Variants in DGKZ observed in about 807,000 individuals in gnomAD.
The protein encoded by DGKZ is DAG kinase zeta.
Under a neutral mutation model 142.5 loss-of-function variants are expected in DGKZ, and 45 were observed. The observed-to-expected ratio is 0.32, with a 90% CI of 0.25 to 0.40. DGKZ has a LOEUF of 0.40. Ranked by LOEUF, DGKZ falls within the 10% of genes least tolerant of loss-of-function variation. The probability of loss-of-function intolerance (pLI) is 1.00; values close to 1 mark genes in which losing one functional copy is unlikely to be tolerated. For synonymous variants in DGKZ, 442 were observed against 527.0 expected (o/e 0.84, Z 2.21); for missense variants, 755 against 1,306.5 (o/e 0.58, Z 6.51).
rs1314078319 is a variant in DGKZ at position 46,367,282 on chromosome 11, C to A, written c.162-9C>A. 1 of 1,609,758 alleles carries A rather than the reference C, an allele frequency of 6.2e-7. No homozygotes were observed. Among genetic ancestry groups the A allele is most frequent in the Non-Finnish European group, 8.5e-7 (1 of 1,178,278 alleles). On this transcript the variant is annotated splice_polypyrimidine_tract_variant and intron_variant, in intron 1 of 30. Transcript: ENST00000527911. This position sits in a 1 kb window ranked among gnomAD's most constrained non-coding sequence, Gnocchi z 4.1. ...TCAGCCCCCTCCTCAGCTGTCTTCT[C>A]CTCTCTAGGAAAGCCATCACCAAGT...
chr11:46,333,062 C>T (rs1045994951), exon 1 of DGKZ: 64 of 375,432 alleles, frequency 1.7e-4, no homozygotes, highest in Middle Eastern at 7.1e-4. Context: ...CCCGCCCCCC[C>T]GGAGCGCAGG....
chr11:46,340,501 C>T (rs1454426594), intron 1 of DGKZ, among the ~76,000 whole-genome samples: 4 of 152,254 alleles, frequency 2.6e-5, no homozygotes, highest in East Asian at 3.8e-4. Context: ...GGACAGCTTT[C>T]AAGAGACATG....
chr11:46,371,854 C>G, intron 9 of DGKZ, 79 bp downstream of exon 9: 2 of 1,506,528 alleles, frequency 1.3e-6, no homozygotes, highest in Non-Finnish European at 1.8e-6. Flanking sequence ...CTTCCACCCC[C>G]AGCTAATGCT....
chr11:46,372,110 C>T lies in DGKZ; in HGVS notation c.867C>T (p.Thr289=). The change falls in exon 10 of 31, where the codon ACC becomes ACT. Residue 289 remains threonine (T), a synonymous_variant. Coordinates refer to ENST00000527911, the Ensembl canonical transcript of DGKZ. The surrounding 1 kb of genome is among the most constrained non-coding windows in gnomAD (Gnocchi z 5.9). ...GGAGACCCTTCATCATCAGGCCCAC[C>T]CCCTCCCCGCTCATGAAGCCCCTGC... 1.2e-6 allele frequency: 2 copies of T among 1,611,870 alleles called. No individual in the cohort carries two copies. The highest frequency in any genetic ancestry group is 1.7e-6 in the Non-Finnish European group (2 of 1,179,354).
chr11:46,367,123 C>T lies in DGKZ; in HGVS notation c.162-168C>T. The T allele has an allele frequency of 7.7e-7, 1 of 1,293,402 alleles. No individual in the cohort carries two copies. Among genetic ancestry groups the T allele is most frequent in the Non-Finnish European group, 1.1e-6 (1 of 927,378 alleles). 80.1% of individuals were successfully genotyped at this position (1,293,402 alleles called of 1,614,324 possible). A position where few individuals can be genotyped will look rare whatever the true frequency, so the allele number is the denominator to read the frequency against. On this transcript the variant is annotated intron_variant, in intron 1 of 30. Coordinates refer to ENST00000527911, the Ensembl canonical transcript of DGKZ. This position sits in a 1 kb window ranked among gnomAD's most constrained non-coding sequence, Gnocchi z 4.1. ...GCAGTACCCTGAAGCCAGCGTACCCCAAAAGGCCATGTCTCTTGCAGGGAG... is the reference window on the plus strand; with the variant it reads ...GCAGTACCCTGAAGCCAGCGTACCCTAAAAGGCCATGTCTCTTGCAGGGAG...
intron 1 of DGKZ, among the ~76,000 whole-genome samples, chr11:46,353,561 G>A (rs569027672): frequency 8.5e-5 from 13 of 152,320 alleles, no homozygotes; most frequent in Non-Finnish European, 7.4e-5. Context: ...TGGGTCTGGC[G>A]TGGAGGACAA....
intron 1 of DGKZ, among the ~76,000 whole-genome samples, chr11:46,349,367 C>T (rs914994338): frequency 6.6e-6 from 1 of 152,182 alleles, no homozygotes; most frequent in Non-Finnish European, 1.5e-5. Flanking sequence ...CCAGAGGCTT[C>T]CTGTTGCTGC....
exon 1 of DGKZ, chr11:46,333,183 C>T (rs1029587620): frequency 6.2e-6 from 7 of 1,128,144 alleles, no homozygotes; most frequent in Non-Finnish European, 4.5e-6. Flanking sequence ...CCTCCCTCCC[C>T]GCCTCGCGTC....
chr11:46,359,848 C>T (rs1425492053), intron 1 of DGKZ, among the ~76,000 whole-genome samples: 2 of 150,768 alleles, frequency 1.3e-5, no homozygotes, highest in African/African-American at 2.4e-5. Flanking sequence ...GAACTCCTGA[C>T]CTCAGTTGAT....
intron 1 of DGKZ, among the ~76,000 whole-genome samples, chr11:46,359,165 A>G (rs1237214919): frequency 1.3e-5 from 2 of 149,390 alleles, no homozygotes; most frequent in Non-Finnish European, 3.0e-5. Context: ...AAATAAGGCC[A>G]GGTGCTGTGA....
chr11:46,378,643 G>A (rs1944842467), intron 27 of DGKZ, 143 bp downstream of exon 27: 8 of 1,144,948 alleles, frequency 7.0e-6, no homozygotes, highest in Admixed American at 2.0e-5. Flanking sequence ...TCCAGTGATC[G>A]TCCCATTCCA....
upstream of DGKZ, among the ~76,000 whole-genome samples, chr11:46,344,178 GACCTCAAGTA>G (rs932475212): frequency 1.1e-4 from 16 of 152,014 alleles, no homozygotes; most frequent in African/African-American, 3.9e-4. Context: ...TCAAACTCCT[GACCTCAAGTA>G]ACCCACCAGC....
chr11:46,364,237 T>G (rs1248823622), intron 1 of DGKZ: 3 of 667,598 alleles, frequency 4.5e-6, no homozygotes, highest in Non-Finnish European at 7.1e-6. Context: ...CCGTGGACTC[T>G]AGGCGGTCAC....
intron 1 of DGKZ, among the ~76,000 whole-genome samples, chr11:46,355,824 G>A (rs57904379): frequency 0.013 from 1,986 of 152,036 alleles, 46 homozygotes; most frequent in African/African-American, 0.045. Context: ...TCGGCTCACC[G>A]CAACCCCTGC....
At chr11:46,361,182 A>T (rs1942603987) in intron 1 of DGKZ, among the ~76,000 whole-genome samples, 3 of 152,214 alleles carry the variant, frequency 2.0e-5, no homozygotes, top group Non-Finnish European at 1.5e-5. Flanking sequence ...AGCCGGTGTG[A>T]TTAGCTTCCC....
At chr11:46,339,249 G>A (rs1321236804) in intron 1 of DGKZ, among the ~76,000 whole-genome samples, 2 of 152,358 alleles carry the variant, frequency 1.3e-5, no homozygotes, top group South Asian at 2.1e-4. Context: ...ACCCAAGAGT[G>A]ACAGGGAGAT....
At chr11:46,360,212 CTTTT>C (rs954519069) in intron 1 of DGKZ, among the ~76,000 whole-genome samples, 1 of 151,938 alleles carries the variant, frequency 6.6e-6, no homozygotes, top group Non-Finnish European at 1.5e-5. Flanking sequence ...TTTTTGCTAA[CTTTT>C]TTTTAGAAAA....
At chr11:46,379,427 A>G in intron 29 of DGKZ, 42 bp from the exon 30 acceptor site, 2 of 1,593,186 alleles carry the variant, frequency 1.3e-6, no homozygotes, top group African/African-American at 1.3e-5. Context: ...TGGGTGGATC[A>G]GGGGACGGGA....
intron 6 of DGKZ, among the ~76,000 whole-genome samples, chr11:46,370,213 A>T (rs1943792809): frequency 6.6e-6 from 1 of 152,198 alleles, no homozygotes; most frequent in African/African-American, 2.4e-5. Context: ...CAGGGAGGAA[A>T]GTTTTCTTCC....
Sources: allele counts gnomAD v4.1 joint callset (sites outside exome capture counted in the v4.1 genomes callset), GRCh38; gene constraint gnomAD v4.1.1; non-coding constraint Gnocchi (gnomAD v3.1); transcripts MANE v1.5; gene names NCBI Gene and HGNC (gene_info 2026-07-23, HGNC 2026-07-21).